Variants in SLC18B1 observed in about 807,000 individuals in gnomAD.
SLC18B1 encodes MFS-type transporter SLC18B1.
SLC18B1 carries 62 observed loss-of-function variants against 53.9 expected under a neutral mutation model. The ratio of observed to expected loss-of-function variants is 1.15; its 90% confidence interval spans 0.94 to 1.42. The LOEUF is 1.42. SLC18B1 is among the 40% of genes most tolerant of loss of function. The probability of loss-of-function intolerance (pLI) is 0.00; values close to 1 mark genes in which losing one functional copy is unlikely to be tolerated. For synonymous variants in SLC18B1, 217 were observed against 200.9 expected (o/e 1.08, Z -0.68); for missense variants, 598 against 547.3 (o/e 1.09, Z -0.93).
chr6:132,785,863 C>T (rs1781354730), intron 5 of SLC18B1, among the ~76,000 whole-genome samples: 1 of 129,538 alleles, frequency 7.7e-6, no homozygotes, highest in Non-Finnish European at 1.5e-5. Context: ...GTGTTCAAGA[C>T]CAGCCTGGGC....
At chr6:132,790,325 G>GA (rs373279549) in intron 2 of SLC18B1, 53 bp from the exon 3 acceptor site, 47 of 1,262,598 alleles carry the variant, frequency 3.7e-5, no homozygotes, top group Middle Eastern at 2.6e-4. Context: ...AGATCAATAT[G>GA]AAAAAATGGA....
intron 10 of SLC18B1, among the ~76,000 whole-genome samples, chr6:132,772,691 T>C (rs1369287073): frequency 1.3e-5 from 2 of 152,168 alleles, no homozygotes; most frequent in East Asian, 1.9e-4. Flanking sequence ...ACCTCCTCCA[T>C]GAAAGAGGAA....
chr6:132,784,068 C>A lies in SLC18B1; in HGVS notation c.523G>T (p.Gly175Ter). 1 of 1,570,048 alleles carries A rather than the reference C, an allele frequency of 6.4e-7. No individual in the cohort carries two copies. Among genetic ancestry groups the A allele is most frequent in the Non-Finnish European group, 8.6e-7 (1 of 1,164,260 alleles). The change falls in exon 6 of 14, where the codon GGA (glycine) becomes TGA (stop). Residue 175 changes from glycine to a stop codon, truncating the protein, a stop_gained. Transcript: ENST00000275227. LOFTEE classifies it high-confidence loss of function. ...TVLGSLETFS[G>*]LGLILGPPVG... Reference sequence around the variant, plus strand: ...GGAGGACCTAGTATTAGCCCCAGTCCAGAAAAAGTCTCAAGACTTCCCTTA... The same window carrying A: ...GGAGGACCTAGTATTAGCCCCAGTCAAGAAAAAGTCTCAAGACTTCCCTTA...
At position 132,771,141 on chromosome 6, in the gene SLC18B1, A is replaced by T; in HGVS notation, c.1161-12T>A. On this transcript the variant is annotated splice_polypyrimidine_tract_variant and intron_variant, in intron 11 of 13. Coordinates refer to ENST00000275227, the MANE Select transcript of SLC18B1 (RefSeq NM_052831.3). ...GTCCCATAAAAGCACTAACAATAGA[A>T]AGAAGAAAAAGTATTCAATAGTGCA... 1 of 1,608,816 alleles carries T rather than the reference A, an allele frequency of 6.2e-7. No homozygotes were observed. Among genetic ancestry groups the T allele is most frequent in the Non-Finnish European group, 8.5e-7 (1 of 1,176,974 alleles).
intron 5 of SLC18B1, among the ~76,000 whole-genome samples, chr6:132,784,760 A>AG (rs1781327079): frequency 6.6e-6 from 1 of 152,242 alleles, no homozygotes; most frequent in African/African-American, 2.4e-5. Context: ...CATGGTATGT[A>AG]TACAAGCTTA....
chr6:132,794,237 G>A (rs922133218), intron 2 of SLC18B1, among the ~76,000 whole-genome samples: 4 of 151,448 alleles, frequency 2.6e-5, no homozygotes, highest in African/African-American at 9.7e-5. Flanking sequence ...CTGAGTAGCT[G>A]GGACTACAGT....
At chr6:132,772,659 G>A (rs1781006006) in intron 10 of SLC18B1, among the ~76,000 whole-genome samples, 1 of 152,092 alleles carries the variant, frequency 6.6e-6, no homozygotes, top group South Asian at 2.1e-4. Flanking sequence ...ACAGATGCTG[G>A]TCACTCTAGG....
chr6:132,776,199 A>C (rs998296774), intron 8 of SLC18B1, 129 bp downstream of exon 8: 1 of 699,658 alleles, frequency 1.4e-6, no homozygotes, highest in Non-Finnish European at 2.4e-6. Context: ...AAAACACTGA[A>C]ACCTCTCCAT....
intron 6 of SLC18B1, among the ~76,000 whole-genome samples, chr6:132,782,300 A>G (rs1318248596): frequency 2.0e-5 from 3 of 152,154 alleles, no homozygotes; most frequent in African/African-American, 7.2e-5. Context: ...AAAATTGCCT[A>G]TATTTATGGT....
In SLC18B1 at chr6:132,797,021, C is replaced by G. The variant is rs375751319; in HGVS notation, c.144G>C (p.Met48Ile). ...ACGGTCCAAGTATAGAATAGCACAT[C>G]ATGGAACCTAAGTTCACCGAAGCTG... is the stretch of plus-strand genomic sequence containing the variant. Reference protein sequence around the residue: ...ISAASVNLGSMMCYSILGPFF... With the variant: ...ISAASVNLGSIMCYSILGPFF... The change falls in exon 2 of 14, where the codon ATG becomes ATC. Residue 48 changes from methionine to isoleucine, a missense_variant. Physicochemically the swap from Met to Ile is conservative, Grantham distance 10. Transcript: ENST00000275227. 3.7e-6 allele frequency: 6 copies of G among 1,614,128 alleles called. No individual in the cohort carries two copies. Among genetic ancestry groups the G allele is most frequent in the Non-Finnish European group, 5.1e-6 (6 of 1,180,014 alleles).
chr6:132,797,120 A>G lies in SLC18B1; in HGVS notation c.45T>C (p.Gly15=). The G allele has an allele frequency of 6.2e-7, 1 of 1,612,636 alleles. No individual in the cohort carries two copies. Among genetic ancestry groups the G allele is most frequent in the Non-Finnish European group, 8.5e-7 (1 of 1,179,618 alleles). The change falls in exon 2 of 14, where the codon GGT becomes GGC. Residue 15 remains glycine, a splice_region_variant and synonymous_variant. Coordinates refer to ENST00000275227, the MANE Select transcript of SLC18B1 (RefSeq NM_052831.3). ...CTCCTGCACTTCCTGCAGGATCATC[A>G]CCTTGAATGCAAACATGCAGCAATT... The part of the protein sequence containing the change: ...GDLEGPRAPG[G]DDPAGSAGET...
chr6:132,791,664 G>C (rs891550910), intron 2 of SLC18B1, among the ~76,000 whole-genome samples: 1 of 152,170 alleles, frequency 6.6e-6, no homozygotes, highest in South Asian at 2.1e-4. Context: ...AGGGCAGAGA[G>C]GATGGGCCCA....
In SLC18B1 at chr6:132,791,910, T is replaced by G. The variant is rs1042806944; in HGVS notation, c.184-1638A>C. On this transcript the variant is annotated intron_variant, in intron 2 of 13. Coordinates refer to ENST00000275227, the MANE Select transcript of SLC18B1 (RefSeq NM_052831.3). Reference sequence around the variant, plus strand: ...CAGGTTCCTCAAAAAGAAAGTATTGTGAAAGGAGTCAATTAACGCATAAGA... The same window carrying G: ...CAGGTTCCTCAAAAAGAAAGTATTGGGAAAGGAGTCAATTAACGCATAAGA... Among the ~76,000 whole-genome samples the G allele has an allele frequency of 1.6e-4, 25 of 151,980 alleles. 1 individual carries two copies. The highest frequency in any genetic ancestry group is 3.5e-4 in the Non-Finnish European group (24 of 68,006).
chr6:132,796,945 A>G, intron 2 of SLC18B1, 37 bp downstream of exon 2: 2 of 1,561,352 alleles, frequency 1.3e-6, no homozygotes, highest in Non-Finnish European at 8.6e-7. Context: ...CAAACAAACA[A>G]AAAAACAGAG....
At position 132,779,353 on chromosome 6, in the gene SLC18B1, A is replaced by C; in HGVS notation, c.710T>G (p.Val237Gly). 6.2e-7 allele frequency: 1 copy of C among 1,614,038 alleles called. No homozygotes were observed. The highest frequency in any genetic ancestry group is 8.5e-7 in the Non-Finnish European group (1 of 1,179,916). ...SFWKLIALPK[V>G]GLIAFVINSL... ...GTTGATGACGAAGGCTATAAGGCCA[A>C]CTTTGGGTAAAGCGATCAGTTTCCA... is the stretch of plus-strand genomic sequence containing the variant. The change falls in exon 7 of 14, where the codon GTT (valine) becomes GGT (glycine). Residue 237 changes from valine to glycine, a missense_variant. Physicochemically the swap from Val to Gly is moderately radical, Grantham distance 109 (BLOSUM62 -3). Coordinates refer to ENST00000275227, the MANE Select transcript of SLC18B1 (RefSeq NM_052831.3).
chr6:132,780,515 T>C (rs1781207288), intron 6 of SLC18B1, among the ~76,000 whole-genome samples: 1 of 151,766 alleles, frequency 6.6e-6, no homozygotes, highest in Non-Finnish European at 1.5e-5. Flanking sequence ...TTAAGTGTTA[T>C]CCTTAGATTT....
chr6:132,777,602 T>C (rs576162723), intron 7 of SLC18B1, among the ~76,000 whole-genome samples: 1 of 152,182 alleles, frequency 6.6e-6, no homozygotes, highest in Admixed American at 6.5e-5. Flanking sequence ...TAGTACCAGC[T>C]ACTCGGGAGG....
intron 5 of SLC18B1, among the ~76,000 whole-genome samples, chr6:132,786,346 C>A (rs1781369234): frequency 6.6e-6 from 1 of 152,040 alleles, no homozygotes; most frequent in African/African-American, 2.4e-5. Flanking sequence ...GAGATCGAGA[C>A]CATCCTGGCT....
At position 132,798,497 on chromosome 6, in the gene SLC18B1, A is replaced by G. The variant is rs763689541; in HGVS notation, c.-41T>C. The G allele has an allele frequency of 6.1e-6, 9 of 1,463,950 alleles. No individual in the cohort carries two copies. The highest frequency in any genetic ancestry group is 1.9e-4 in the Middle Eastern group (1 of 5,282). The allele number at this position is 1,463,950 out of a possible 1,614,324, so 90.7% of individuals were successfully genotyped here. ...TCCGGCGCCCCAGCTCCCGGCTTCA[A>G]GCCACGTCCTTGGACTCGACCTCCA... is the stretch of plus-strand genomic sequence containing the variant. On this transcript the variant is annotated 5_prime_UTR_variant, in exon 1 of 14. Coordinates refer to ENST00000275227, the MANE Select transcript of SLC18B1 (RefSeq NM_052831.3).
Sources: gnomAD v4.1 joint callset for allele counts (sites outside exome capture counted in the v4.1 genomes callset) on GRCh38, gnomAD v4.1.1 for gene constraint, MANE v1.5 for transcripts, NCBI Gene and HGNC (gene_info 2026-07-23, HGNC 2026-07-21) for gene names.